NECAB2: variants seen among roughly 807,000 people sequenced by gnomAD.
NECAB2 encodes N-terminal EF-hand calcium binding protein 2.
NECAB2 carries 68 observed loss-of-function variants against 51.9 expected under a neutral mutation model. The ratio of observed to expected loss-of-function variants is 1.31; its 90% CI spans 1.08 to 1.60. The LOEUF (loss-of-function observed/expected upper bound fraction) is 1.60, where lower values mean the gene tolerates loss of function less well. Ranked by LOEUF, NECAB2 falls within the 40% of genes most tolerant of loss-of-function variation. The pLI is 0.00. For missense variants in NECAB2, 854 were observed against 490.3 expected, an observed-to-expected ratio of 1.74 and a Z score of -7.00; for synonymous variants, 329 against 203.5, an observed-to-expected ratio of 1.62 and a Z score of -5.25.
intron 5 of NECAB2, among the ~76,000 whole-genome samples, chr16:83,989,198 A>G (rs2084591070): frequency 6.6e-6 from 1 of 152,072 alleles, no homozygotes; most frequent in Admixed American, 6.6e-5. Context: ...TGATCACTGG[A>G]TCATGTGTGG....
chr16:84,002,573 G>A lies in NECAB2; in HGVS notation c.*227G>A, dbSNP rs985389382. The A allele has an allele frequency of 2.6e-5, 16 of 610,812 alleles. No individual in the cohort carries two copies. The highest frequency in any genetic ancestry group is 4.6e-5 in the Non-Finnish European group (16 of 348,910). 37.8% of individuals were successfully genotyped at this position (610,812 alleles called of 1,614,324 possible). A position where few individuals can be genotyped will look rare whatever the true frequency, so the allele number is the denominator to read the frequency against. On this transcript the variant is annotated 3_prime_UTR_variant, in exon 13 of 13. Transcript: ENST00000305202. ...CTGGTGAAGCCCAAGGTTGAAGGGG[G>A]CGGCTTCCTGGAGCCAGCACCCCTG...
intron 2 of NECAB2, among the ~76,000 whole-genome samples, chr16:83,977,504 C>T (rs28548975): frequency 0.021 from 3,210 of 152,214 alleles, 42 homozygotes; most frequent in African/African-American, 0.036. Flanking sequence ...GTCCCCAGAG[C>T]AACTGCAAGT....
chr16:83,968,549 C>T lies in NECAB2; in HGVS notation c.-100C>T. Reference sequence around the variant, plus strand: ...GCCGCGGGGGCAGCGGGAGAGAGGGCGGGGCGGCGCGGGCAGCGCGGGGAG... The same window carrying T: ...GCCGCGGGGGCAGCGGGAGAGAGGGTGGGGCGGCGCGGGCAGCGCGGGGAG... On this transcript the variant is annotated 5_prime_UTR_variant, in exon 1 of 13. Transcript: ENST00000305202. 3 of 909,698 alleles carry T rather than the reference C, an allele frequency of 3.3e-6. No homozygotes were observed. The highest frequency in any genetic ancestry group is 9.8e-5 in the South Asian group (2 of 20,344). 56.4% of individuals were successfully genotyped at this position (909,698 alleles called of 1,614,324 possible).
At chr16:84,001,941 C>A in intron 12 of NECAB2, 25 bp downstream of exon 12, 1 of 1,606,906 alleles carries the variant, frequency 6.2e-7, no homozygotes, top group Non-Finnish European at 8.5e-7. Flanking sequence ...CCTGGAACTG[C>A]AGTGGCCACC....
At position 83,990,580 on chromosome 16, in the gene NECAB2, C is replaced by T. The variant is rs949195964; in HGVS notation, c.546C>T (p.Ser182=). Residue 182 remains serine, a synonymous_variant, in exon 6 of 13, where the codon AGC becomes AGT. Coordinates refer to ENST00000305202, the MANE Select transcript of NECAB2 (RefSeq NM_019065.3). ...CCAATCAGATCCAGTCGCTGCTGAGCTCAGTGGAGAGTGCGGTGGAGGCCA... is the reference window on the plus strand; with the variant it reads ...CCAATCAGATCCAGTCGCTGCTGAGTTCAGTGGAGAGTGCGGTGGAGGCCA... ...ETANQIQSLL[S]SVESAVEAIE... is the part of the protein sequence containing the mutation. 8.1e-6 allele frequency: 13 copies of T among 1,614,056 alleles called. No homozygotes were observed. The African/African-American group carries it at 1.7e-4, about 22-fold the overall frequency.
chr16:83,988,837 C>A (rs79088721), intron 5 of NECAB2, among the ~76,000 whole-genome samples: 33 of 152,144 alleles, frequency 2.2e-4, no homozygotes, highest in Middle Eastern at 3.4e-3. Flanking sequence ...TCAGTCCCCC[C>A]CCATTATGTA....
chr16:84,002,272 G>T, intron 12 of NECAB2, 46 bp from the exon 13 acceptor site: 1 of 1,606,672 alleles, frequency 6.2e-7, no homozygotes, highest in Non-Finnish European at 8.5e-7. Flanking sequence ...CTACGAGGCT[G>T]CCCACATTCG....
chr16:84,002,284 A>ACTCCTTCCCT, intron 12 of NECAB2, 34 bp from the exon 13 acceptor site: 1 of 1,612,028 alleles, frequency 6.2e-7, no homozygotes, highest in Non-Finnish European at 8.5e-7. Context: ...CCACATTCGC[A>ACTCCTTCCCT]CTCCTTCCCT....
chr16:83,997,390 G>C (rs1374751451), intron 9 of NECAB2, 121 bp downstream of exon 9: 4 of 1,211,210 alleles, frequency 3.3e-6, no homozygotes, highest in African/African-American at 3.0e-5. Context: ...CAGGAGGGGA[G>C]ATGTCGCCCA....
At chr16:83,986,943 A>C (rs1446146094) in intron 5 of NECAB2, among the ~76,000 whole-genome samples, 3 of 152,190 alleles carry the variant, frequency 2.0e-5, no homozygotes, top group Non-Finnish European at 2.9e-5. Context: ...AATGTTCAAT[A>C]TGTGGGTGAC....
intron 2 of NECAB2, among the ~76,000 whole-genome samples, chr16:83,972,837 G>T (rs1042274018): frequency 6.6e-6 from 1 of 152,222 alleles, no homozygotes; most frequent in Non-Finnish European, 1.5e-5. Flanking sequence ...AAGGAGCCCA[G>T]GCCTTGAGAG....
At chr16:83,997,354 A>T (rs1037036574) in intron 9 of NECAB2, 85 bp downstream of exon 9, 1 of 1,539,290 alleles carries the variant, frequency 6.5e-7, no homozygotes, top group Admixed American at 1.7e-5. Flanking sequence ...AATGCCCCTG[A>T]CCCCGCTCTC....
Position 84,000,706 on chromosome 16 carries a change from G to C in NECAB2, c.963-18G>C, listed in dbSNP as rs74559877. The C allele has an allele frequency of 9.3e-6, 15 of 1,613,046 alleles. No homozygotes were observed. The Admixed American group carries it at 1.3e-4, about 14-fold the overall frequency. Reference sequence around the variant, plus strand: ...GGTTGAGCTCCAGCCTCCTCCCCCCGACCATCTCCTGTTGCAGCATCACTG... The same window carrying C: ...GGTTGAGCTCCAGCCTCCTCCCCCCCACCATCTCCTGTTGCAGCATCACTG... On this transcript the variant is annotated intron_variant, in intron 10 of 12. Transcript: ENST00000305202.
chr16:83,967,547 A>G (rs368909244), upstream of NECAB2, among the ~76,000 whole-genome samples: 365 of 77,004 alleles, frequency 4.7e-3, 3 homozygotes, highest in African/African-American at 0.018. Flanking sequence ...GAGGGAGGAT[A>G]GATGGATGGA....
chr16:83,984,715 A>G (rs759568276), intron 5 of NECAB2, among the ~76,000 whole-genome samples: 3 of 152,166 alleles, frequency 2.0e-5, no homozygotes, highest in Non-Finnish European at 2.9e-5. Flanking sequence ...GGGTGACAAG[A>G]GAAACCCTGT....
At chr16:84,000,210 T>G (rs1480012176) in intron 10 of NECAB2, among the ~76,000 whole-genome samples, 3 of 152,202 alleles carry the variant, frequency 2.0e-5, no homozygotes, top group Non-Finnish European at 4.4e-5. Flanking sequence ...CCACCTGGTT[T>G]TGTTTAAATA....
intron 2 of NECAB2, among the ~76,000 whole-genome samples, chr16:83,972,756 G>T (rs957049450): frequency 6.6e-6 from 1 of 152,154 alleles, no homozygotes; most frequent in African/African-American, 2.4e-5. Context: ...AATGTGAGCA[G>T]CGCCTTGTTG....
At chr16:83,988,835 C>A (rs920296401) in intron 5 of NECAB2, among the ~76,000 whole-genome samples, 9 of 124,042 alleles carry the variant, frequency 7.3e-5, no homozygotes, top group Admixed American at 2.0e-4. Flanking sequence ...GCTCAGTCCC[C>A]CCCCATTATG....
intron 8 of NECAB2, among the ~76,000 whole-genome samples, chr16:83,996,390 G>A (rs1056037480): frequency 6.6e-6 from 1 of 152,204 alleles, no homozygotes; most frequent in African/African-American, 2.4e-5. Context: ...AAGGTCCCTT[G>A]CTCAAACATT....
Sources: gnomAD v4.1 joint callset for allele counts (sites outside exome capture counted in the v4.1 genomes callset) on GRCh38, gnomAD v4.1.1 for gene constraint, MANE v1.5 for transcripts, NCBI Gene and HGNC (gene_info 2026-07-23, HGNC 2026-07-21) for gene names.